COL18A1: variants seen among roughly 807,000 people sequenced by gnomAD.
COL18A1 encodes the protein collagen type XVIII alpha 1 chain.
Under a neutral mutation model 168.0 loss-of-function variants are expected in COL18A1, and 133 were observed. The ratio of observed to expected loss-of-function variants is 0.79; its 90% CI spans 0.69 to 0.91. The LOEUF is 0.91. COL18A1 is among the 40% of genes least tolerant of loss of function. The probability of loss-of-function intolerance (pLI) is 0.00; values close to 1 mark genes in which losing one functional copy is unlikely to be tolerated. For missense variants in COL18A1, 2,126 were observed against 1,925.4 expected (o/e 1.10, Z -1.95); for synonymous variants, 949 against 809.0 (o/e 1.17, Z -2.94).
Position 45,471,493 on chromosome 21 carries a change from A to G in COL18A1, c.652-2402A>G, listed in dbSNP as rs1602465636. On this transcript the variant is annotated intron_variant, in intron 3 of 41. Transcript: ENST00000651438. The surrounding 1 kb of genome is among the most constrained non-coding windows in gnomAD (Gnocchi z 4.4). ...GCTTCCTCCTCCTCAGCCTCTCCAC[A>G]AGACTGCATCGACCCTGGCGCTGCC... Among the ~76,000 whole-genome samples the G allele has an allele frequency of 6.6e-6, 1 of 152,186 alleles. No homozygotes were observed. Among genetic ancestry groups the G allele is most frequent in the Admixed American group, 6.5e-5 (1 of 15,278 alleles).
At chr21:45,449,048 G>A (rs941740552) in intron 2 of COL18A1, among the ~76,000 whole-genome samples, 2 of 152,200 alleles carry the variant, frequency 1.3e-5, no homozygotes, top group Non-Finnish European at 2.9e-5. Flanking sequence ...GGTGGCAGCT[G>A]TCCCTGGGAA....
chr21:45,423,311 C>T lies in COL18A1; in HGVS notation c.106+17838C>T, dbSNP rs1374897983. On this transcript the variant is annotated intron_variant, in intron 2 of 41. Coordinates refer to ENST00000651438, the MANE Select transcript of COL18A1 (RefSeq NM_001379500.1). The surrounding 1 kb of genome is among the most constrained non-coding windows in gnomAD (Gnocchi z 4.0). The stretch of plus-strand genomic sequence containing the variant: ...CCCTGAGTGTTGGCTGGTCCACTTC[C>T]TGAGCGTTGGCCAGCTGCCCTTGCT... Among the ~76,000 whole-genome samples the T allele has an allele frequency of 6.6e-6, 1 of 152,222 alleles. No individual in the cohort carries two copies. The highest frequency in any genetic ancestry group is 2.4e-5 in the African/African-American group (1 of 41,458).
intron 25 of COL18A1, 41 bp from the exon 26 acceptor site, chr21:45,493,460 A>G: frequency 1.3e-6 from 2 of 1,513,560 alleles, no homozygotes; most frequent in Non-Finnish European, 1.8e-6. Flanking sequence ...TTTGTGGGGA[A>G]GGAGCTGGCC....
intron 32 of COL18A1, among the ~76,000 whole-genome samples, chr21:45,501,662 C>T (rs951643087): frequency 5.3e-5 from 8 of 151,244 alleles, no homozygotes; most frequent in African/African-American, 1.7e-4. Context: ...CCTCCACAGC[C>T]GGTCACCTCC....
At chr21:45,405,592 C>A in intron 2 of COL18A1, 119 bp downstream of exon 2, 1 of 537,528 alleles carries the variant, frequency 1.9e-6, no homozygotes, top group Non-Finnish European at 2.7e-6. Context: ...CAGCCCCGGC[C>A]CTGCCCACGC....
chr21:45,411,829 C>T (rs200222735), intron 2 of COL18A1, among the ~76,000 whole-genome samples: 5 of 148,114 alleles, frequency 3.4e-5, no homozygotes, highest in East Asian at 2.3e-4. Flanking sequence ...TTCTGATGGG[C>T]GACGTTCATT....
At position 45,489,641 on chromosome 21, in the gene COL18A1, C is replaced by T. The variant is rs560148556; in HGVS notation, c.1959+120C>T. The T allele has an allele frequency of 6.9e-4, 472 of 688,766 alleles. 3 individuals carry two copies. The African/African-American group carries it at 7.7e-3, about 11-fold the overall frequency. The allele number at this position is 688,766 out of a possible 1,614,324, so 42.7% of individuals were successfully genotyped here. ...CGCTCTTCCTGCCACTGCTTTGTTT[C>T]TTTATAATTGAAGACGTGCTGGTTT... On this transcript the variant is annotated intron_variant, in intron 19 of 41. Transcript: ENST00000651438.
chr21:45,496,778 C>T (rs1463674238), intron 30 of COL18A1, among the ~76,000 whole-genome samples: 2 of 152,228 alleles, frequency 1.3e-5, no homozygotes, highest in African/African-American at 2.4e-5. Context: ...GAGCTGCTTC[C>T]AGCTGGCTCT....
At chr21:45,455,829 C>G in intron 2 of COL18A1, 1 of 1,613,276 alleles carries the variant, frequency 6.2e-7, no homozygotes, top group Non-Finnish European at 8.5e-7. Context: ...GCCGAGAGCC[C>G]GGACGCGCCA....
At chr21:45,442,803 G>A (rs1263461443) in intron 2 of COL18A1, among the ~76,000 whole-genome samples, 1 of 132,432 alleles carries the variant, frequency 7.6e-6, no homozygotes, top group Non-Finnish European at 1.6e-5. Context: ...CGGTGGTGGT[G>A]CTGGTGTGGG....
At chr21:45,439,002 A>G (rs1349640074) in intron 2 of COL18A1, among the ~76,000 whole-genome samples, 1 of 152,140 alleles carries the variant, frequency 6.6e-6, no homozygotes, top group Non-Finnish European at 1.5e-5. Flanking sequence ...TTGCATGGCA[A>G]TTTGGCAGGG....
rs777977028 is a variant in COL18A1, at chr21:45,481,959, C to T, written c.1612-4C>T. The stretch of plus-strand genomic sequence containing the variant: ...AAGACCCACTATGCTCTGCTCTCCC[C>T]CAGGGACCCCCAGGCCCTCCGGGAA... On this transcript the variant is annotated splice_polypyrimidine_tract_variant and splice_region_variant and intron_variant, in intron 13 of 41. Transcript: ENST00000651438. 8 of 1,610,236 alleles carry T rather than the reference C, an allele frequency of 5.0e-6. No individual in the cohort carries two copies. Among genetic ancestry groups the T allele is most frequent in the South Asian group, 1.1e-5 (1 of 90,958 alleles).
intron 2 of COL18A1, among the ~76,000 whole-genome samples, chr21:45,436,316 C>CCACCCT (rs1477020923): frequency 5.3e-5 from 8 of 152,188 alleles, no homozygotes; most frequent in Non-Finnish European, 1.2e-4. Context: ...AGCAAAGCAG[C>CCACCCT]CACCCTCACC....
intron 2 of COL18A1, chr21:45,408,173 T>A (rs1602322810): frequency 1.3e-5 from 2 of 152,224 alleles, no homozygotes; most frequent in African/African-American, 4.8e-5. Flanking sequence ...TGCTCCAGAG[T>A]GCAGGCGCCA....
intron 9 of COL18A1, among the ~76,000 whole-genome samples, chr21:45,478,866 C>T (rs923527184): frequency 1.3e-5 from 2 of 152,196 alleles, no homozygotes; most frequent in Non-Finnish European, 2.9e-5. Flanking sequence ...AAAGTGGGGC[C>T]GTCACGAACG....
In COL18A1 at chr21:45,482,041, A is replaced by G; in HGVS notation, c.1674+16A>G. 6.2e-7 allele frequency: 1 copy of G among 1,609,414 alleles called. No individual in the cohort carries two copies. ...AGGCAGCCTGGTAAGTCTTCCCTCGAGTCCAGGGTGAGTGGGAACCAGCAC... is the reference window on the plus strand; with the variant it reads ...AGGCAGCCTGGTAAGTCTTCCCTCGGGTCCAGGGTGAGTGGGAACCAGCAC... On this transcript the variant is annotated intron_variant, in intron 14 of 41. Transcript: ENST00000651438.
intron 2 of COL18A1, among the ~76,000 whole-genome samples, chr21:45,452,359 G>T (rs1222348384): frequency 8.6e-6 from 1 of 115,888 alleles, no homozygotes; most frequent in Non-Finnish European, 1.8e-5. Flanking sequence ...TCTGTGACAT[G>T]TGTAAGCATG....
chr21:45,509,062 C>A lies in COL18A1; in HGVS notation c.3250-294C>A, dbSNP rs17004783. 3.9e-5 allele frequency among the ~76,000 whole-genome samples: 6 copies of A among 152,160 alleles called. No homozygotes were observed. The East Asian group carries it at 7.7e-4, about 20-fold the overall frequency. ...GGTCAGGGGCCCTGAATTGGAGCCG[C>A]GGCAAAGGAGAGGGCAGGTCAGGGC... On this transcript the variant is annotated intron_variant, in intron 38 of 41. Coordinates refer to ENST00000651438, the MANE Select transcript of COL18A1 (RefSeq NM_001379500.1).
chr21:45,509,480 C>T lies in COL18A1; in HGVS notation c.3374C>T (p.Pro1125Leu). The T allele has an allele frequency of 6.5e-7, 1 of 1,528,044 alleles. No homozygotes were observed. The highest frequency in any genetic ancestry group is 8.8e-7 in the Non-Finnish European group (1 of 1,135,342). 94.7% of individuals were successfully genotyped at this position (1,528,044 alleles called of 1,614,324 possible). ...CGGGCAGATGACATCCTGGCCAGCC[C>T]CCCTCGCCTGCCCGAGCCCCAGCCC... ...PWRADDILASPPRLPEPQPYP... is the reference protein window; with the variant it reads ...PWRADDILASLPRLPEPQPYP... The change falls in exon 39 of 42, where the codon CCC (proline) becomes CTC (leucine). Residue 1125 changes from proline (P) to leucine (L), a missense_variant. By Grantham distance (98) the Pro-to-Leu change is moderately conservative. Transcript: ENST00000651438.
Sources: allele counts gnomAD v4.1 joint callset (sites outside exome capture counted in the v4.1 genomes callset), GRCh38; gene constraint gnomAD v4.1.1; non-coding constraint Gnocchi (gnomAD v3.1); transcripts MANE v1.5; gene names NCBI Gene and HGNC (gene_info 2026-07-23, HGNC 2026-07-21).